The following CADM2 variants were observed in gnomAD, a reference collection of about 807,000 sequenced individuals.
CADM2 encodes immunoglobulin superfamily member 4D.
In CADM2, 12 loss-of-function variants were observed where a neutral mutation model predicts 49.8. That is an observed-to-expected ratio of 0.24 (90% CI 0.15 to 0.39). The LOEUF is 0.39. Among genes scored for constraint, CADM2 ranks in the 10% least tolerant of loss-of-function variants. The probability of loss-of-function intolerance (pLI) is 1.00; values close to 1 mark genes in which losing one functional copy is unlikely to be tolerated. For missense variants in CADM2, 378 were observed against 492.3 expected, an observed-to-expected ratio of 0.77 and a Z score of 2.20; for synonymous variants, 214 against 175.4, an observed-to-expected ratio of 1.22 and a Z score of -1.74.
intron 6 of CADM2, among the ~76,000 whole-genome samples, chr3:85,914,695 A>G (rs758448621): frequency 6.6e-5 from 10 of 152,178 alleles, no homozygotes; most frequent in South Asian, 2.1e-4. Context: ...GCAAAACCAC[A>G]TTTATGTAAG....
At chr3:85,679,356 T>C (rs1308953672) in intron 1 of CADM2, among the ~76,000 whole-genome samples, 1 of 152,168 alleles carries the variant, frequency 6.6e-6, no homozygotes, top group East Asian at 1.9e-4. Flanking sequence ...CCAGGGGGAA[T>C]GGACTAGAGT....
intron 8 of CADM2, among the ~76,000 whole-genome samples, chr3:85,991,368 G>C (rs994013181): frequency 2.6e-5 from 4 of 152,110 alleles, no homozygotes. Context: ...TGAAGACTAA[G>C]AAGGCAGAGA....
At chr3:85,379,826 C>T (rs2033801443) in intron 1 of CADM2, among the ~76,000 whole-genome samples, 1 of 152,028 alleles carries the variant, frequency 6.6e-6, no homozygotes, top group Admixed American at 6.6e-5. Context: ...AACTGTTGCA[C>T]TATAAAGACT....
intron 8 of CADM2, among the ~76,000 whole-genome samples, chr3:85,968,305 A>G (rs1277591093): frequency 3.3e-5 from 5 of 151,702 alleles, no homozygotes; most frequent in Admixed American, 2.6e-4. Context: ...ATGGAATGGC[A>G]TAAAATAGTA....
intron 1 of CADM2, among the ~76,000 whole-genome samples, chr3:85,345,588 T>C: frequency 6.6e-6 from 1 of 152,056 alleles, no homozygotes; most frequent in Non-Finnish European, 1.5e-5. Context: ...TTCCACAAAA[T>C]TACGAGTCCT....
chr3:85,549,878 C>T (rs1024009447), intron 1 of CADM2, among the ~76,000 whole-genome samples: 2 of 151,002 alleles, frequency 1.3e-5, no homozygotes, highest in African/African-American at 2.4e-5. Context: ...GTGATTTGCC[C>T]GCCTCGGCCT....
intron 1 of CADM2, among the ~76,000 whole-genome samples, chr3:85,348,562 AT>A (rs747012796): frequency 1.2e-4 from 18 of 152,298 alleles, no homozygotes; most frequent in Non-Finnish European, 1.9e-4. Context: ...TCTTCAGGAA[AT>A]ATCTTAGAAA....
At chr3:85,380,684 T>C (rs908344369) in intron 1 of CADM2, among the ~76,000 whole-genome samples, 1 of 151,966 alleles carries the variant, frequency 6.6e-6, no homozygotes, top group Non-Finnish European at 1.5e-5. Context: ...CATGTTCATA[T>C]TTTAATACCA....
intron 8 of CADM2, among the ~76,000 whole-genome samples, chr3:86,015,609 T>G (rs1434632736): frequency 6.6e-6 from 1 of 152,188 alleles, no homozygotes; most frequent in Non-Finnish European, 1.5e-5. Flanking sequence ...GCTTGTGAGC[T>G]CGCCAAACAA....
At chr3:85,100,387 T>C (rs1290388019) in intron 1 of CADM2, among the ~76,000 whole-genome samples, 1 of 152,318 alleles carries the variant, frequency 6.6e-6, no homozygotes, top group East Asian at 1.9e-4. Context: ...TCATAACATA[T>C]TTGCTTCATG....
At chr3:85,707,291 CTAATA>C (rs2066979741) in intron 1 of CADM2, among the ~76,000 whole-genome samples, 1 of 151,500 alleles carries the variant, frequency 6.6e-6, no homozygotes, top group Non-Finnish European at 1.5e-5. Flanking sequence ...ACTGATTTGT[CTAATA>C]TGAGTTTCTT....
At chr3:85,500,741 T>A (rs2040081851) in intron 1 of CADM2, among the ~76,000 whole-genome samples, 1 of 152,038 alleles carries the variant, frequency 6.6e-6, no homozygotes, top group South Asian at 2.1e-4. Context: ...ATGGTCTCGA[T>A]CTCCTGACCT....
rs34756757 is a variant in CADM2 at position 85,652,772 on chromosome 3, CTTTTT to C, written c.62-73730_62-73726del. Among the ~76,000 whole-genome samples, 10 of 50,788 alleles carry C rather than the reference CTTTTT, an allele frequency of 2.0e-4. 1 individual carries two copies. Among genetic ancestry groups the C allele is most frequent in the East Asian group, 1.8e-3 (3 of 1,682 alleles). 33.3% of individuals were successfully genotyped at this position (50,788 alleles called of 152,430 possible). ...TAACCTGAAAATCTTTTTTTCTTTTCTTTTTTTTTTTTTTTTTTTTTTTTAGACAG... is the reference window on the plus strand; with the variant it reads ...TAACCTGAAAATCTTTTTTTCTTTTCTTTTTTTTTTTTTTTTTTTAGACAG... On this transcript the variant is annotated intron_variant, in intron 1 of 9. Transcript: ENST00000383699.
chr3:85,286,817 C>A (rs2043644598), intron 1 of CADM2, among the ~76,000 whole-genome samples: 1 of 151,904 alleles, frequency 6.6e-6, no homozygotes, highest in Admixed American at 6.6e-5. Context: ...GTGTTCCAGG[C>A]TAGAGGCATT....
intron 1 of CADM2, among the ~76,000 whole-genome samples, chr3:85,692,088 C>T (rs1287710592): frequency 6.6e-6 from 1 of 152,050 alleles, no homozygotes; most frequent in Non-Finnish European, 1.5e-5. Context: ...AACAAACCTG[C>T]ACAATGTGCA....
At chr3:85,722,066 C>T (rs115336955) in intron 1 of CADM2, among the ~76,000 whole-genome samples, 2,135 of 152,102 alleles carry the variant, frequency 0.014, 51 homozygotes, top group African/African-American at 0.049. Flanking sequence ...GAGTGAGTAG[C>T]TCCTTTCTGC....
chr3:85,461,704 C>T (rs2038254309), intron 1 of CADM2, among the ~76,000 whole-genome samples: 1 of 152,138 alleles, frequency 6.6e-6, no homozygotes, highest in African/African-American at 2.4e-5. Flanking sequence ...CTAATCCATT[C>T]TATTTGATAC....
intron 1 of CADM2, among the ~76,000 whole-genome samples, chr3:85,396,527 G>T: frequency 6.6e-6 from 1 of 151,830 alleles, no homozygotes; most frequent in Non-Finnish European, 1.5e-5. Flanking sequence ...TCTAGATTTT[G>T]TGGTAATCCA....
chr3:85,160,904 C>G (rs539106993), intron 1 of CADM2, among the ~76,000 whole-genome samples: 1 of 152,158 alleles, frequency 6.6e-6, no homozygotes, highest in Non-Finnish European at 1.5e-5. Flanking sequence ...TCATTTGTAC[C>G]AAGTCTTTGA....
Sources: allele counts gnomAD v4.1 joint callset (sites outside exome capture counted in the v4.1 genomes callset), GRCh38; gene constraint gnomAD v4.1.1; transcripts MANE v1.5; gene names NCBI Gene and HGNC (gene_info 2026-07-23, HGNC 2026-07-21).